LIN52: variants seen among roughly 807,000 people sequenced by gnomAD.
LIN52 encodes the protein protein lin-52 homolog.
LIN52 carries 4 observed loss-of-function variants against 18.5 expected under a neutral mutation model. The observed-to-expected ratio is 0.22, with a 90% CI of 0.11 to 0.49. The LOEUF (loss-of-function observed/expected upper bound fraction) is 0.49. Ranked by LOEUF, LIN52 falls within the 20% of genes least tolerant of loss-of-function variation. The probability of loss-of-function intolerance (pLI) is 0.97; values close to 1 mark genes in which losing one functional copy is unlikely to be tolerated. For missense variants in LIN52, 102 were observed against 139.5 expected (o/e 0.73, Z 1.35); for synonymous variants, 34 against 45.5 (o/e 0.75, Z 1.02).
At chr14:74,144,237 C>T (rs2061144850) in intron 5 of LIN52, among the ~76,000 whole-genome samples, 5 of 151,858 alleles carry the variant, frequency 3.3e-5, no homozygotes, top group Admixed American at 2.0e-4. Flanking sequence ...ATCCTTCCGC[C>T]TCAGCCTCCC....
chr14:74,190,592 A>G (rs1018591991), intron 5 of LIN52, among the ~76,000 whole-genome samples: 2 of 151,864 alleles, frequency 1.3e-5, no homozygotes, highest in South Asian at 2.1e-4. Flanking sequence ...GGGTTCCACC[A>G]TGCTGCCCAG....
chr14:74,176,169 A>G (rs2061293575), intron 5 of LIN52, among the ~76,000 whole-genome samples: 1 of 152,058 alleles, frequency 6.6e-6, no homozygotes, highest in African/African-American at 2.4e-5. Context: ...GCTGTTTTAT[A>G]TTATAATTAT....
At chr14:74,177,002 C>CTT (rs879637144) in intron 5 of LIN52, among the ~76,000 whole-genome samples, 2 of 145,728 alleles carry the variant, frequency 1.4e-5, no homozygotes, top group Non-Finnish European at 3.0e-5. Flanking sequence ...GTTGTTTCCA[C>CTT]TTTTTTTTTT....
chr14:74,090,327 T>C (rs1158897105), intron 1 of LIN52, among the ~76,000 whole-genome samples: 1 of 150,088 alleles, frequency 6.7e-6, no homozygotes, highest in African/African-American at 2.5e-5. Flanking sequence ...CCTGGTGTTT[T>C]TTGTTTGTTT....
intron 5 of LIN52, among the ~76,000 whole-genome samples, chr14:74,157,835 A>G (rs1030753749): frequency 1.6e-4 from 21 of 127,922 alleles, no homozygotes; most frequent in African/African-American, 6.2e-4. Context: ...TCATCATTCT[A>G]TGGGATCTAC....
At chr14:74,130,430 A>G (rs1027031425) in intron 5 of LIN52, among the ~76,000 whole-genome samples, 4 of 150,880 alleles carry the variant, frequency 2.7e-5, no homozygotes, top group African/African-American at 9.7e-5. Flanking sequence ...GGCGTGTACC[A>G]CCACTCCTGG....
At chr14:74,118,373 T>C (rs1424079254) in intron 5 of LIN52, among the ~76,000 whole-genome samples, 1 of 152,196 alleles carries the variant, frequency 6.6e-6, no homozygotes, top group African/African-American at 2.4e-5. Context: ...AGCTTTAACA[T>C]TGAAGTATAA....
chr14:74,113,825 AC>A (rs921372357), intron 5 of LIN52, among the ~76,000 whole-genome samples: 2 of 152,148 alleles, frequency 1.3e-5, no homozygotes, highest in Admixed American at 6.5e-5. Context: ...CCATAGCCTT[AC>A]CACTGAGAGA....
chr14:74,130,423 G>T (rs995682985), intron 5 of LIN52, among the ~76,000 whole-genome samples: 1 of 148,756 alleles, frequency 6.7e-6, no homozygotes, highest in Non-Finnish European at 1.5e-5. Flanking sequence ...GATTACAGGC[G>T]TGTACCACCA....
chr14:74,101,520 G>A (rs71429038), intron 5 of LIN52, among the ~76,000 whole-genome samples: 16,546 of 149,774 alleles, frequency 0.11, 1,201 homozygotes, highest in Admixed American at 0.19. Flanking sequence ...GTGCAGTGGC[G>A]GGATCTCGGC....
rs564916818 is a variant in LIN52 at position 74,106,285 on chromosome 14, T to TG, written c.283+5048dup. 3.4e-3 allele frequency among the ~76,000 whole-genome samples: 519 copies of TG among 152,298 alleles called. 2 individuals carry two copies. Among genetic ancestry groups the TG allele is most frequent in the Non-Finnish European group, 5.2e-3 (357 of 68,028 alleles). ...ACTGCTGCCGCATTGTTTTTGTGTT[T>TG]GTTTTTTTGAGACAAGGTCTCTCAT... On this transcript the variant is annotated intron_variant, in intron 5 of 5. Coordinates refer to ENST00000555028, the MANE Select transcript of LIN52 (RefSeq NM_001024674.3).
intron 5 of LIN52, among the ~76,000 whole-genome samples, chr14:74,115,784 A>C (rs2060960957): frequency 6.6e-6 from 1 of 152,202 alleles, no homozygotes; most frequent in Admixed American, 6.5e-5. Flanking sequence ...AAGGCTTGTA[A>C]ACATTCAAAT....
At chr14:74,132,456 A>G (rs1037456284) in intron 5 of LIN52, among the ~76,000 whole-genome samples, 3 of 152,200 alleles carry the variant, frequency 2.0e-5, no homozygotes, top group Non-Finnish European at 4.4e-5. Flanking sequence ...TCTTATGCTT[A>G]TTGGGTGAAT....
chr14:74,114,728 T>G (rs1186095619), intron 5 of LIN52, among the ~76,000 whole-genome samples: 1 of 152,218 alleles, frequency 6.6e-6, no homozygotes, highest in Admixed American at 6.5e-5. Flanking sequence ...AGATATCTAG[T>G]TCAGTCATAT....
At chr14:74,094,913 A>G (rs1003153747) in intron 2 of LIN52, among the ~76,000 whole-genome samples, 9 of 150,938 alleles carry the variant, frequency 6.0e-5, no homozygotes, top group African/African-American at 2.0e-4. Context: ...ATTTTAGTAG[A>G]GACGGGGTTT....
intron 5 of LIN52, among the ~76,000 whole-genome samples, chr14:74,146,088 G>A (rs2061151622): frequency 6.6e-6 from 1 of 152,150 alleles, no homozygotes; most frequent in South Asian, 2.1e-4. Flanking sequence ...GTACATAATA[G>A]ATAGGTGCTT....
In LIN52 at chr14:74,131,836, G is replaced by T. The variant is rs534372531; in HGVS notation, c.283+30598G>T. 7.2e-4 allele frequency among the ~76,000 whole-genome samples: 110 copies of T among 152,292 alleles called. 1 individual carries two copies. The highest frequency in any genetic ancestry group is 2.5e-3 in the African/African-American group (105 of 41,560). ...GAGGAAACTAAGACCTAAAAGAAGTGACTTTCCCAGGGCCAACTAGTAATT... is the reference window on the plus strand; with the variant it reads ...GAGGAAACTAAGACCTAAAAGAAGTTACTTTCCCAGGGCCAACTAGTAATT... On this transcript the variant is annotated intron_variant, in intron 5 of 5. Coordinates refer to ENST00000555028, the MANE Select transcript of LIN52 (RefSeq NM_001024674.3).
At chr14:74,095,595 G>A (rs2060806286) in intron 2 of LIN52, among the ~76,000 whole-genome samples, 1 of 152,098 alleles carries the variant, frequency 6.6e-6, no homozygotes, top group Non-Finnish European at 1.5e-5. Flanking sequence ...AAATAAAATT[G>A]GATTGACAGA....
chr14:74,089,676 G>A (rs895628431), intron 1 of LIN52, among the ~76,000 whole-genome samples: 2 of 152,042 alleles, frequency 1.3e-5, no homozygotes, highest in African/African-American at 4.8e-5. Flanking sequence ...GCCTTAAGCA[G>A]TTTTTTTATA....
Sources: allele counts gnomAD v4.1 joint callset (sites outside exome capture counted in the v4.1 genomes callset), GRCh38; gene constraint gnomAD v4.1.1; transcripts MANE v1.5; gene names NCBI Gene and HGNC (gene_info 2026-07-23, HGNC 2026-07-21).